Variants in SH3RF3 observed in about 807,000 individuals in gnomAD.
SH3RF3 encodes the protein SH3 domain containing ring finger 3, also known as E3 ubiquitin-protein ligase SH3RF3.
SH3RF3 carries 29 observed loss-of-function variants against 66.3 expected under a neutral mutation model. The observed-to-expected ratio is 0.44, with a 90% CI of 0.33 to 0.60. The LOEUF is 0.60. SH3RF3 is among the 20% of genes least tolerant of loss of function. The pLI is 0.04. For synonymous variants in SH3RF3, 583 were observed against 532.0 expected (o/e 1.10, Z -1.32); for missense variants, 1,194 against 1,190.9 (o/e 1.00, Z -0.04).
At chr2:109,276,279 G>T (rs980422758) in intron 1 of SH3RF3, among the ~76,000 whole-genome samples, 7 of 152,216 alleles carry the variant, frequency 4.6e-5, no homozygotes, top group Non-Finnish European at 8.8e-5. Flanking sequence ...AAAGTTATTT[G>T]CTCTAGAAAA....
At chr2:109,361,162 C>T (rs192775136) in intron 2 of SH3RF3, among the ~76,000 whole-genome samples, 1 of 152,252 alleles carries the variant, frequency 6.6e-6, no homozygotes, top group African/African-American at 2.4e-5. Context: ...GCCTTGCATA[C>T]CTGGGATAAA....
intron 1 of SH3RF3, among the ~76,000 whole-genome samples, chr2:109,152,451 A>G (rs1175979394): frequency 1.3e-5 from 2 of 152,252 alleles, no homozygotes; most frequent in African/African-American, 4.8e-5. Context: ...AGAGCATAAT[A>G]GCCTTGTTCC....
intron 1 of SH3RF3, among the ~76,000 whole-genome samples, chr2:109,152,153 T>C (rs985897980): frequency 1.2e-4 from 19 of 152,258 alleles, no homozygotes; most frequent in Middle Eastern, 3.2e-3. Flanking sequence ...TGTCTGGAAT[T>C]ACATTTCTTC....
chr2:109,349,931 G>A (rs1245600475), intron 2 of SH3RF3, among the ~76,000 whole-genome samples: 3 of 152,198 alleles, frequency 2.0e-5, no homozygotes, highest in Admixed American at 6.5e-5. Flanking sequence ...AAACATACCG[G>A]GCCCTGACTC....
intron 1 of SH3RF3, among the ~76,000 whole-genome samples, chr2:109,190,648 A>G (rs1678328846): frequency 6.6e-6 from 1 of 152,032 alleles, no homozygotes; most frequent in Non-Finnish European, 1.5e-5. Flanking sequence ...AATCTTTCTT[A>G]TTGTTTCATT....
intron 1 of SH3RF3, among the ~76,000 whole-genome samples, chr2:109,339,763 C>T (rs891256027): frequency 3.3e-5 from 5 of 152,206 alleles, no homozygotes; most frequent in Admixed American, 3.3e-4. Flanking sequence ...CATGGGATCT[C>T]TTCCCAGAAA....
At chr2:109,193,831 T>A (rs73952871) in intron 1 of SH3RF3, among the ~76,000 whole-genome samples, 2,318 of 152,306 alleles carry the variant, frequency 0.015, 69 homozygotes, top group African/African-American at 0.053. Flanking sequence ...ACCCAGCACC[T>A]GATTTAAGTC....
At chr2:109,434,105 C>T (rs1677331390) in intron 6 of SH3RF3, among the ~76,000 whole-genome samples, 1 of 152,240 alleles carries the variant, frequency 6.6e-6, no homozygotes, top group Non-Finnish European at 1.5e-5. Flanking sequence ...TTGGGCTCAC[C>T]TGTCGTGTCA....
intron 2 of SH3RF3, 71 bp downstream of exon 2, chr2:109,348,020 A>G: frequency 6.6e-7 from 1 of 1,515,568 alleles, no homozygotes; most frequent in Non-Finnish European, 8.9e-7. Context: ...CTTCCCAGCC[A>G]CAGACCTATA....
chr2:109,308,311 T>C (rs1681648626), intron 1 of SH3RF3, among the ~76,000 whole-genome samples: 1 of 120,226 alleles, frequency 8.3e-6, no homozygotes, highest in Non-Finnish European at 1.6e-5. Context: ...TCATTGTAGA[T>C]TCTGGATATT....
rs574700997 is a variant in SH3RF3 at position 109,261,062 on chromosome 2, G to C, written c.574-86612G>C. Among the ~76,000 whole-genome samples the C allele has an allele frequency of 1.1e-4, 16 of 152,272 alleles. No individual in the cohort carries two copies. In the South Asian group the frequency reaches 3.1e-3, roughly 30 times the overall value. ...AAGGAGGTCAGTAGCATGAGCACTT[G>C]GCCTGAAGTGTCTTACACGGGTCCA... On this transcript the variant is annotated intron_variant, in intron 1 of 9. Coordinates refer to ENST00000309415, the MANE Select transcript of SH3RF3 (RefSeq NM_001099289.3).
At chr2:109,417,837 G>T (rs1199538051) in intron 4 of SH3RF3, among the ~76,000 whole-genome samples, 2 of 152,178 alleles carry the variant, frequency 1.3e-5, no homozygotes, top group African/African-American at 4.8e-5. Flanking sequence ...CTCAGGGAGG[G>T]GCAGGTAGGT....
intron 1 of SH3RF3, among the ~76,000 whole-genome samples, chr2:109,237,890 C>G (rs1679685589): frequency 6.6e-6 from 1 of 152,106 alleles, no homozygotes; most frequent in South Asian, 2.1e-4. Context: ...GTGGAGATTG[C>G]TAAATAAGCT....
intron 1 of SH3RF3, among the ~76,000 whole-genome samples, chr2:109,181,187 A>T (rs1678065057): frequency 6.6e-6 from 1 of 152,084 alleles, no homozygotes; most frequent in Admixed American, 6.5e-5. Context: ...TTTCAAATAA[A>T]CCTGTTATTT....
intron 8 of SH3RF3, among the ~76,000 whole-genome samples, chr2:109,475,740 A>G (rs1238511595): frequency 6.6e-6 from 1 of 152,130 alleles, no homozygotes; most frequent in Non-Finnish European, 1.5e-5. Context: ...AATATCTCCA[A>G]ATGTTGCCAA....
At chr2:109,251,896 G>C (rs781573210) in intron 1 of SH3RF3, among the ~76,000 whole-genome samples, 16 of 152,108 alleles carry the variant, frequency 1.1e-4, no homozygotes, top group African/African-American at 1.2e-4. Flanking sequence ...TCTAGACTTT[G>C]AGTTCTCAAC....
At chr2:109,238,974 G>C (rs1174888456) in intron 1 of SH3RF3, among the ~76,000 whole-genome samples, 1 of 152,168 alleles carries the variant, frequency 6.6e-6, no homozygotes, top group East Asian at 1.9e-4. Context: ...TCTGCCTCCA[G>C]TTCTTTCTGT....
intron 4 of SH3RF3, among the ~76,000 whole-genome samples, chr2:109,404,505 C>A (rs1224319776): frequency 6.6e-6 from 1 of 152,096 alleles, no homozygotes; most frequent in Non-Finnish European, 1.5e-5. Context: ...GGGGCCTAGA[C>A]GGAAGTTTTG....
intron 5 of SH3RF3, among the ~76,000 whole-genome samples, chr2:109,430,490 G>A (rs573048245): frequency 7.4e-5 from 11 of 149,560 alleles, no homozygotes; most frequent in African/African-American, 2.2e-4. Flanking sequence ...TCCTCTCCCC[G>A]TCCTCTCCCA....
Sources: allele counts gnomAD v4.1 joint callset (sites outside exome capture counted in the v4.1 genomes callset), GRCh38; gene constraint gnomAD v4.1.1; transcripts MANE v1.5; gene names NCBI Gene and HGNC (gene_info 2026-07-23, HGNC 2026-07-21).